The following MLF1 variants were observed in gnomAD, a reference collection of about 807,000 sequenced individuals.
MLF1 encodes myeloid leukemia factor 1, also known as myelodysplasia-myeloid leukemia factor 1.
MLF1 carries 37 observed loss-of-function variants against 38.3 expected under a neutral mutation model. The ratio of observed to expected loss-of-function variants is 0.96; its 90% CI spans 0.74 to 1.27. MLF1 has a LOEUF of 1.27. Ranked by LOEUF, MLF1 falls within the 50% of genes most tolerant of loss-of-function variation. The pLI, the probability that MLF1 is intolerant of heterozygous loss-of-function variation, is 0.00. For synonymous variants in MLF1, 95 were observed against 106.5 expected (o/e 0.89, Z 0.66); for missense variants, 331 against 349.2 (o/e 0.95, Z 0.42).
At chr3:158,593,245 C>G (rs1718418268) in intron 2 of MLF1, 137 bp from the exon 3 acceptor site, 2 of 598,976 alleles carry the variant, frequency 3.3e-6, no homozygotes, top group Non-Finnish European at 5.4e-6. Context: ...ATAACAAGCC[C>G]TCAGGGGTTT....
chr3:158,581,279 C>G (rs1247338745), intron 1 of MLF1, among the ~76,000 whole-genome samples: 1 of 152,176 alleles, frequency 6.6e-6, no homozygotes, highest in Non-Finnish European at 1.5e-5. Context: ...GGAGCTCTAC[C>G]AGGTTCTCCC....
intron 1 of MLF1, among the ~76,000 whole-genome samples, chr3:158,585,518 T>A (rs1717125499): frequency 6.6e-6 from 1 of 152,190 alleles, no homozygotes; most frequent in Admixed American, 6.5e-5. Flanking sequence ...AAAAATTGAC[T>A]AAGACATATC....
At chr3:158,603,231 G>A (rs1246299672) in intron 7 of MLF1, among the ~76,000 whole-genome samples, 1 of 152,142 alleles carries the variant, frequency 6.6e-6, no homozygotes, top group Non-Finnish European at 1.5e-5. Flanking sequence ...CTGTAGTGTA[G>A]TTATTCTTGT....
At chr3:158,596,608 C>T (rs1015377455) in intron 3 of MLF1, among the ~76,000 whole-genome samples, 1 of 152,062 alleles carries the variant, frequency 6.6e-6, no homozygotes, top group African/African-American at 2.4e-5. Flanking sequence ...TATATACATG[C>T]ACATATATGT....
At chr3:158,598,051 G>C in intron 4 of MLF1, 29 bp from the exon 5 acceptor site, 3 of 1,607,034 alleles carry the variant, frequency 1.9e-6, no homozygotes, top group Non-Finnish European at 2.5e-6. Flanking sequence ...TATTTGACTC[G>C]ACTGAATTTA....
At chr3:158,574,161 C>T (rs1560093364) in intron 1 of MLF1, among the ~76,000 whole-genome samples, 2 of 151,814 alleles carry the variant, frequency 1.3e-5, no homozygotes, top group South Asian at 2.1e-4. Flanking sequence ...AGCAAAATAA[C>T]ATTAATAAAA....
intron 3 of MLF1, among the ~76,000 whole-genome samples, chr3:158,594,987 G>A (rs568840084): frequency 1.7e-4 from 26 of 152,104 alleles, no homozygotes; most frequent in African/African-American, 3.6e-4. Flanking sequence ...CATTCATTCC[G>A]CAAATATTTA....
At chr3:158,604,941 C>T (rs1720322202) in intron 7 of MLF1, among the ~76,000 whole-genome samples, 156 bp from the exon 8 acceptor site, 2 of 152,224 alleles carry the variant, frequency 1.3e-5, no homozygotes, top group South Asian at 2.1e-4. Flanking sequence ...CAGGCATGAG[C>T]CACCGCACCT....
intron 1 of MLF1, among the ~76,000 whole-genome samples, chr3:158,583,835 G>C (rs141146344): frequency 6.6e-6 from 1 of 152,158 alleles, no homozygotes; most frequent in Non-Finnish European, 1.5e-5. Flanking sequence ...GGAATCAAAA[G>C]TTAATGAAAC....
intron 1 of MLF1, among the ~76,000 whole-genome samples, chr3:158,587,968 T>G (rs973752958): frequency 6.6e-6 from 1 of 152,124 alleles, no homozygotes; most frequent in Non-Finnish European, 1.5e-5. Flanking sequence ...GCCACTGCAC[T>G]CCAGTCTGGG....
At chr3:158,593,291 A>AT in intron 2 of MLF1, 91 bp from the exon 3 acceptor site, 1 of 998,982 alleles carries the variant, frequency 1.0e-6, no homozygotes, top group East Asian at 2.8e-5. Flanking sequence ...AAATGTAGCA[A>AT]TTTGAAATTC....
chr3:158,592,859 C>G (rs1718361744), intron 2 of MLF1, among the ~76,000 whole-genome samples: 1 of 152,082 alleles, frequency 6.6e-6, no homozygotes, highest in South Asian at 2.1e-4. Flanking sequence ...GTATACATTT[C>G]TCACCTTATA....
intron 1 of MLF1, among the ~76,000 whole-genome samples, chr3:158,589,298 A>T (rs1032029671): frequency 6.6e-6 from 1 of 151,814 alleles, no homozygotes; most frequent in Non-Finnish European, 1.5e-5. Context: ...CACAACCTCC[A>T]CTTCCCGGGT....
intron 1 of MLF1, among the ~76,000 whole-genome samples, chr3:158,581,389 C>G (rs1716330338): frequency 6.6e-6 from 1 of 152,198 alleles, no homozygotes; most frequent in Admixed American, 6.5e-5. Flanking sequence ...TTAGCAAGGC[C>G]TGCAGTCAAG....
At chr3:158,597,995 C>G (rs572027509) in intron 4 of MLF1, 85 bp from the exon 5 acceptor site, 20 of 1,374,970 alleles carry the variant, frequency 1.5e-5, no homozygotes, top group Admixed American at 1.8e-5. Context: ...GTAGAACTTA[C>G]AGCTAGTGTT....
At chr3:158,588,519 T>C (rs528716564) in intron 1 of MLF1, among the ~76,000 whole-genome samples, 86 of 147,470 alleles carry the variant, frequency 5.8e-4, no homozygotes, top group African/African-American at 2.0e-3. Context: ...GAGAATGGCG[T>C]GAACCCAGGA....
At chr3:158,598,312 G>A (rs1719203140) in intron 5 of MLF1, 104 bp downstream of exon 5, 1 of 1,159,650 alleles carries the variant, frequency 8.6e-7, no homozygotes, top group Non-Finnish European at 1.2e-6. Flanking sequence ...CAAGATGGTG[G>A]GGGGACAGGA....
chr3:158,591,087 G>A (rs940142951), intron 1 of MLF1: 3 of 512,934 alleles, frequency 5.8e-6, no homozygotes, highest in African/African-American at 1.9e-5. Context: ...TTGGACTTAT[G>A]AGCAGAAGAC....
intron 1 of MLF1, among the ~76,000 whole-genome samples, chr3:158,574,910 G>A (rs1193962973): frequency 1.3e-5 from 2 of 152,026 alleles, no homozygotes; most frequent in Admixed American, 6.6e-5. Flanking sequence ...TTATATCCTT[G>A]ATTATACCAA....
Sources: gnomAD v4.1 joint callset for allele counts (sites outside exome capture counted in the v4.1 genomes callset) on GRCh38, gnomAD v4.1.1 for gene constraint, MANE v1.5 for transcripts, NCBI Gene and HGNC (gene_info 2026-07-23, HGNC 2026-07-21) for gene names.